Variants in IL2RA observed in about 807,000 individuals in gnomAD.
The protein encoded by IL2RA is interleukin-2 receptor subunit alpha.
IL2RA carries 24 observed loss-of-function variants against 37.8 expected under a neutral mutation model. The observed-to-expected ratio is 0.63, with a 90% confidence interval of 0.46 to 0.89. The LOEUF (loss-of-function observed/expected upper bound fraction) is 0.89, where lower values mean the gene tolerates loss of function less well. Ranked by LOEUF, IL2RA falls within the 40% of genes least tolerant of loss-of-function variation. The probability of loss-of-function intolerance (pLI) is 0.00; values close to 1 mark genes in which losing one functional copy is unlikely to be tolerated. For missense variants in IL2RA, 319 were observed against 348.6 expected, an observed-to-expected ratio of 0.92 and a Z score of 0.68; for synonymous variants, 125 against 114.6, an observed-to-expected ratio of 1.09 and a Z score of -0.58.
In IL2RA at chr10:6,011,918, C is replaced by G. The variant is rs1839197253; in HGVS notation, c.*954G>C. The G allele has an allele frequency of 6.6e-6, 1 of 152,394 alleles. No individual in the cohort carries two copies. The allele number at this position is 152,394 out of a possible 1,614,324, so 9.4% of individuals were successfully genotyped here. A position where few individuals can be genotyped will look rare whatever the true frequency, so the allele number is the denominator to read the frequency against. ...TCCCTCTTCACTTCCTTCTTTCTTTCCTTCCTTGCATAAACATTGAATGTA... is the reference window on the plus strand; with the variant it reads ...TCCCTCTTCACTTCCTTCTTTCTTTGCTTCCTTGCATAAACATTGAATGTA... On this transcript the variant is annotated 3_prime_UTR_variant, in exon 8 of 8. Coordinates refer to ENST00000379959, the MANE Select transcript of IL2RA (RefSeq NM_000417.3). This position sits in a 1 kb window ranked among gnomAD's most constrained non-coding sequence, Gnocchi z 5.2.
rs3078966 is a variant in IL2RA at position 6,021,317 on chromosome 10, A to AT, written c.583+160dup. On this transcript the variant is annotated intron_variant, in intron 4 of 7. Coordinates refer to ENST00000379959, the MANE Select transcript of IL2RA (RefSeq NM_000417.3). The surrounding 1 kb of genome is among the most constrained non-coding windows in gnomAD (Gnocchi z 4.9). The stretch of plus-strand genomic sequence containing the variant: ...AGTCCATCTGATCTGGTCTATTTAA[A>AT]TTTTTTTTTTTTTCTCAGAATGAGA... Among the ~76,000 whole-genome samples, 2 of 149,450 alleles carry AT rather than the reference A, an allele frequency of 1.3e-5. No individual in the cohort carries two copies. Among genetic ancestry groups the AT allele is most frequent in the African/African-American group, 5.0e-5 (2 of 40,364 alleles).
chr10:6,049,680 C>T (rs12722503), intron 1 of IL2RA, among the ~76,000 whole-genome samples: 8,113 of 152,238 alleles, frequency 0.053, 371 homozygotes, highest in Admixed American at 0.15. Context: ...TTTCTTTACA[C>T]GGCACTCACC....
At chr10:6,061,799 C>A (rs12722486) in intron 1 of IL2RA, among the ~76,000 whole-genome samples, 1 of 152,138 alleles carries the variant, frequency 6.6e-6, no homozygotes, top group African/African-American at 2.4e-5. Context: ...CATCGGGACC[C>A]TGTTAACATC....
intron 5 of IL2RA, 37 bp from the exon 6 acceptor site, chr10:6,019,536 C>T (rs28360489): frequency 0.11 from 162,831 of 1,498,982 alleles, 9,804 homozygotes; most frequent in Middle Eastern, 0.13. Context: ...CTCCTGCTAC[C>T]GTGACTTTAG....
At chr10:6,026,693 A>C (rs1839488537) in intron 1 of IL2RA, among the ~76,000 whole-genome samples, 3 of 152,220 alleles carry the variant, frequency 2.0e-5, no homozygotes, top group Non-Finnish European at 2.9e-5. Flanking sequence ...AATCAGAAAA[A>C]TAATTCCATT....
Position 6,044,461 on chromosome 10 carries a change from G to T in IL2RA, c.64+17627C>A, listed in dbSNP as rs1282347927. Reference sequence around the variant, plus strand: ...CAGTTTGCAGAAATTTCTAGGGAAGGGGTAGTAACTTTTGGGTCATCCGGT... The same window carrying T: ...CAGTTTGCAGAAATTTCTAGGGAAGTGGTAGTAACTTTTGGGTCATCCGGT... On this transcript the variant is annotated intron_variant, in intron 1 of 7. Coordinates refer to ENST00000379959, the MANE Select transcript of IL2RA (RefSeq NM_000417.3). This position sits in a 1 kb window ranked among gnomAD's most constrained non-coding sequence, Gnocchi z 4.5. Among the ~76,000 whole-genome samples the T allele has an allele frequency of 6.6e-6, 1 of 152,160 alleles. No homozygotes were observed. The highest frequency in any genetic ancestry group is 1.5e-5 in the Non-Finnish European group (1 of 68,030).
intron 1 of IL2RA, among the ~76,000 whole-genome samples, chr10:6,030,538 G>A (rs1256859046): frequency 1.3e-5 from 2 of 152,116 alleles, no homozygotes; most frequent in Non-Finnish European, 2.9e-5. Context: ...AATCTACCTA[G>A]AGACAATATC....
At position 6,028,555 on chromosome 10, in the gene IL2RA, A is replaced by C; in HGVS notation, c.65-2530T>G. On this transcript the variant is annotated intron_variant, in intron 1 of 7. Coordinates refer to ENST00000379959, the MANE Select transcript of IL2RA (RefSeq NM_000417.3). This position sits in a 1 kb window ranked among gnomAD's most constrained non-coding sequence, Gnocchi z 4.1. ...TCATTTAACTGCCTGGCAGAGCAAA[A>C]TGCATTACCTTTTAAAGGACCATAA... Among the ~76,000 whole-genome samples, 1 of 152,228 alleles carries C rather than the reference A, an allele frequency of 6.6e-6. No individual in the cohort carries two copies. Among genetic ancestry groups the C allele is most frequent in the East Asian group, 1.9e-4 (1 of 5,206 alleles).
At chr10:6,013,447 C>G (rs1222080463) in intron 7 of IL2RA, among the ~76,000 whole-genome samples, 1 of 152,172 alleles carries the variant, frequency 6.6e-6, no homozygotes, top group Non-Finnish European at 1.5e-5. Flanking sequence ...TAGCCTTTTC[C>G]CAGTTCTTAT....
intron 1 of IL2RA, among the ~76,000 whole-genome samples, chr10:6,059,272 G>A (rs1055204597): frequency 6.6e-6 from 1 of 152,116 alleles, no homozygotes; most frequent in Non-Finnish European, 1.5e-5. Context: ...TCCATAAAGC[G>A]CTGACCCTGT....
At chr10:6,017,913 C>T in intron 7 of IL2RA, 140 bp downstream of exon 7, 1 of 723,160 alleles carries the variant, frequency 1.4e-6, no homozygotes, top group Non-Finnish European at 2.5e-6. Context: ...CTTTCCGAGG[C>T]ATGGATTGGC....
chr10:6,051,196 G>T (rs1376835320), intron 1 of IL2RA, among the ~76,000 whole-genome samples: 1 of 152,136 alleles, frequency 6.6e-6, no homozygotes, highest in Non-Finnish European at 1.5e-5. Context: ...GACCACACTG[G>T]TGCTCAGCTG....
intron 1 of IL2RA, among the ~76,000 whole-genome samples, chr10:6,031,514 ATATATATG>A (rs1267798368): frequency 3.2e-5 from 3 of 93,400 alleles, no homozygotes; most frequent in East Asian, 3.0e-4. Flanking sequence ...ATATATATGT[ATATATATG>A]TATATATATA....
Position 6,054,585 on chromosome 10 carries a change from C to T in IL2RA, c.64+7503G>A, listed in dbSNP as rs1300590048. On this transcript the variant is annotated intron_variant, in intron 1 of 7. Transcript: ENST00000379959. The surrounding 1 kb of genome is among the most constrained non-coding windows in gnomAD (Gnocchi z 4.5). ...GAAATATGGCTCATTATGTAGTTGT[C>T]CTGGCAAACCCCTCATCTCTCTAAT... Among the ~76,000 whole-genome samples the T allele has an allele frequency of 6.6e-6, 1 of 152,092 alleles. No individual in the cohort carries two copies. Among genetic ancestry groups the T allele is most frequent in the African/African-American group, 2.4e-5 (1 of 41,398 alleles).
chr10:6,020,931 ATG>A lies in IL2RA; in HGVS notation c.583+545_583+546del, dbSNP rs59002005. 0.37 allele frequency among the ~76,000 whole-genome samples: 54,894 copies of A among 149,652 alleles called. 10,349 individuals are homozygous for A. Among genetic ancestry groups the A allele is most frequent in the Non-Finnish European group, 0.42 (27,866 of 66,924 alleles). ...CGGTGGGCTGAGCATTTGCATGAGT[ATG>A]TGTGTGTGTGTGTGTGTGTGCGCGC... is the stretch of plus-strand genomic sequence containing the variant. On this transcript the variant is annotated intron_variant, in intron 4 of 7. Coordinates refer to ENST00000379959, the MANE Select transcript of IL2RA (RefSeq NM_000417.3). The surrounding 1 kb of genome is among the most constrained non-coding windows in gnomAD (Gnocchi z 5.6).
intron 3 of IL2RA, among the ~76,000 whole-genome samples, chr10:6,023,186 T>C (rs1295726183): frequency 6.6e-6 from 1 of 152,204 alleles, no homozygotes; most frequent in Non-Finnish European, 1.5e-5. Context: ...TCCTGACTCA[T>C]TGTATAGCCA....
chr10:6,051,817 C>CTATATATATGTATATATATATATA, intron 1 of IL2RA, among the ~76,000 whole-genome samples: 1 of 33,686 alleles, frequency 3.0e-5, no homozygotes, highest in East Asian at 9.3e-4. Context: ...TCATGCCCAG[C>CTATATATATGTATATATATATATA]TATATATATA....
chr10:6,012,936 C>T lies in IL2RA; in HGVS notation c.795-40G>A, dbSNP rs746177077. On this transcript the variant is annotated intron_variant, in intron 7 of 7. Transcript: ENST00000379959. The surrounding 1 kb of genome is among the most constrained non-coding windows in gnomAD (Gnocchi z 4.8). ...CAAAGTCACGGTCATATGTGTAACA[C>T]GGCACCAAAAAAATGTGGTCCTCAC... 52 of 1,607,208 alleles carry T rather than the reference C, an allele frequency of 3.2e-5. 1 individual carries two copies. Among genetic ancestry groups the T allele is most frequent in the South Asian group, 2.5e-4 (23 of 90,876 alleles).
rs1839539511 is a variant in IL2RA at position 6,029,356 on chromosome 10, G to A, written c.65-3331C>T. Among the ~76,000 whole-genome samples, 1 of 151,956 alleles carries A rather than the reference G, an allele frequency of 6.6e-6. No homozygotes were observed. Among genetic ancestry groups the A allele is most frequent in the South Asian group, 2.1e-4 (1 of 4,810 alleles). ...CTTTTTGTGTTTTTAGTAGAGATGA[G>A]GTTTCACCACGTTTGCCAGGCTGGT... On this transcript the variant is annotated intron_variant, in intron 1 of 7. Coordinates refer to ENST00000379959, the MANE Select transcript of IL2RA (RefSeq NM_000417.3). This position sits in a 1 kb window ranked among gnomAD's most constrained non-coding sequence, Gnocchi z 4.6.
Sources: allele counts gnomAD v4.1 joint callset (sites outside exome capture counted in the v4.1 genomes callset), GRCh38; gene constraint gnomAD v4.1.1; non-coding constraint Gnocchi (gnomAD v3.1); transcripts MANE v1.5; gene names NCBI Gene and HGNC (gene_info 2026-07-23, HGNC 2026-07-21).